The following AUTS2 variants were observed in gnomAD, a reference collection of about 807,000 sequenced individuals.
AUTS2 encodes activator of transcription and developmental regulator AUTS2, also known as autism susceptibility gene 2 protein.
Under a neutral mutation model 112.4 loss-of-function variants are expected in AUTS2, and 17 were observed. The observed-to-expected ratio is 0.15, with a 90% CI of 0.10 to 0.23. AUTS2 has a LOEUF of 0.23. AUTS2 is among the 10% of genes least tolerant of loss of function. AUTS2 has a pLI of 1.00. For missense variants in AUTS2, 1,510 were observed against 1,701.6 expected (o/e 0.89, Z 1.98); for synonymous variants, 751 against 702.7 (o/e 1.07, Z -1.09).
chr7:70,073,967 A>T (rs552193999), intron 2 of AUTS2, among the ~76,000 whole-genome samples: 1 of 152,354 alleles, frequency 6.6e-6, no homozygotes, highest in East Asian at 1.9e-4. Flanking sequence ...TTTATAATTT[A>T]TATGACCTGA....
intron 1 of AUTS2, among the ~76,000 whole-genome samples, chr7:69,864,366 T>C (rs1208536291): frequency 6.6e-6 from 1 of 152,220 alleles, no homozygotes; most frequent in Non-Finnish European, 1.5e-5. Context: ...ATGATGCAGC[T>C]CTCTCCTGTT....
intron 2 of AUTS2, among the ~76,000 whole-genome samples, chr7:69,903,787 A>G (rs991756027): frequency 3.3e-5 from 5 of 152,202 alleles, no homozygotes; most frequent in African/African-American, 9.7e-5. Context: ...ATTTGTGAAT[A>G]TTTCAGGAGC....
chr7:69,732,005 G>GT (rs934909678), intron 1 of AUTS2, among the ~76,000 whole-genome samples: 50 of 148,276 alleles, frequency 3.4e-4, no homozygotes, highest in African/African-American at 6.2e-4. Context: ...TTTGTTTTTT[G>GT]TTTTTTTTTT....
At chr7:70,171,296 C>T (rs560920481) in intron 4 of AUTS2, among the ~76,000 whole-genome samples, 2 of 152,308 alleles carry the variant, frequency 1.3e-5, no homozygotes, top group Admixed American at 1.3e-4. Context: ...ACAGTGGAAG[C>T]GAATTCTTCC....
intron 5 of AUTS2, among the ~76,000 whole-genome samples, chr7:70,539,709 C>A (rs188970845): frequency 1.3e-5 from 2 of 152,092 alleles, no homozygotes; most frequent in Non-Finnish European, 2.9e-5. Flanking sequence ...TTTTACACTG[C>A]GAATCGCGAG....
chr7:70,625,109 A>G (rs917377933), intron 5 of AUTS2, among the ~76,000 whole-genome samples: 1 of 152,000 alleles, frequency 6.6e-6, no homozygotes, highest in Non-Finnish European at 1.5e-5. Context: ...AGGACTCTGG[A>G]CTTTCCCTTT....
intron 2 of AUTS2, among the ~76,000 whole-genome samples, chr7:69,928,902 G>T (rs924839622): frequency 2.0e-5 from 3 of 152,174 alleles, no homozygotes; most frequent in African/African-American, 7.2e-5. Flanking sequence ...TGCAGCGGGT[G>T]TCCTCGCAGT....
At chr7:70,105,553 G>A (rs1181116345) in intron 2 of AUTS2, among the ~76,000 whole-genome samples, 20 of 152,176 alleles carry the variant, frequency 1.3e-4, no homozygotes, top group Non-Finnish European at 2.6e-4. Context: ...CACATACCCG[G>A]ACCCACATTT....
chr7:70,742,696 A>G (rs1312293034), intron 6 of AUTS2, among the ~76,000 whole-genome samples: 1 of 152,194 alleles, frequency 6.6e-6, no homozygotes, highest in Non-Finnish European at 1.5e-5. Context: ...CGGGAGGCAG[A>G]GGTTGCAGTG....
chr7:70,166,904 A>C (rs1808412700), intron 4 of AUTS2, among the ~76,000 whole-genome samples: 1 of 152,218 alleles, frequency 6.6e-6, no homozygotes, highest in Non-Finnish European at 1.5e-5. Context: ...TTTAAAGCAA[A>C]GAGGATGGAA....
chr7:69,835,615 C>T (rs1381867255), intron 1 of AUTS2, among the ~76,000 whole-genome samples: 2 of 152,136 alleles, frequency 1.3e-5, no homozygotes, highest in African/African-American at 4.8e-5. Context: ...TGCCTGTTAA[C>T]CCAGGCATGT....
intron 5 of AUTS2, among the ~76,000 whole-genome samples, chr7:70,667,776 A>G (rs142764766): frequency 7.5e-4 from 115 of 152,320 alleles, no homozygotes; most frequent in Middle Eastern, 3.4e-3. Flanking sequence ...AGTTTTTAGC[A>G]TTACCAAATT....
intron 5 of AUTS2, among the ~76,000 whole-genome samples, chr7:70,589,628 A>G (rs1802844665): frequency 6.6e-6 from 1 of 152,150 alleles, no homozygotes; most frequent in Non-Finnish European, 1.5e-5. Flanking sequence ...GCAGGAGAAT[A>G]GCTTGAACCT....
intron 2 of AUTS2, among the ~76,000 whole-genome samples, chr7:70,074,656 G>T (rs1802942727): frequency 6.6e-6 from 1 of 152,132 alleles, no homozygotes; most frequent in Admixed American, 6.6e-5. Context: ...TAGCTACTAA[G>T]ATTGAAGTCC....
At chr7:70,735,923 T>G (rs952251618) in intron 6 of AUTS2, among the ~76,000 whole-genome samples, 20 of 152,092 alleles carry the variant, frequency 1.3e-4, no homozygotes, top group Admixed American at 5.2e-4. Flanking sequence ...ATTTGGAAGT[T>G]TAGATCAGTT....
intron 6 of AUTS2, among the ~76,000 whole-genome samples, chr7:70,732,672 G>A (rs1787495803): frequency 6.6e-6 from 1 of 152,254 alleles, no homozygotes; most frequent in South Asian, 2.1e-4. Flanking sequence ...GCCCAGGCAG[G>A]CCCAGCTTTC....
At chr7:70,471,849 G>A (rs1015777087) in intron 5 of AUTS2, among the ~76,000 whole-genome samples, 1 of 152,084 alleles carries the variant, frequency 6.6e-6, no homozygotes, top group Non-Finnish European at 1.5e-5. Flanking sequence ...AGACAGCAGT[G>A]CAGGCAGTGT....
At chr7:69,773,783 A>G (rs1216539516) in intron 1 of AUTS2, among the ~76,000 whole-genome samples, 1 of 152,200 alleles carries the variant, frequency 6.6e-6, no homozygotes, top group Non-Finnish European at 1.5e-5. Context: ...CAGGAGTATC[A>G]GCGGGGTCCA....
intron 1 of AUTS2, among the ~76,000 whole-genome samples, chr7:69,728,408 A>G (rs368870102): frequency 1.3e-5 from 2 of 152,240 alleles, no homozygotes; most frequent in Admixed American, 6.5e-5. Context: ...GATTAGGGAA[A>G]TGCTTGTGAA....
Sources: gnomAD v4.1 joint callset for allele counts (sites outside exome capture counted in the v4.1 genomes callset) on GRCh38, gnomAD v4.1.1 for gene constraint, MANE v1.5 for transcripts, NCBI Gene and HGNC (gene_info 2026-07-23, HGNC 2026-07-21) for gene names.